FOXK1: variants seen among roughly 807,000 people sequenced by gnomAD.
FOXK1 encodes forkhead box K1, also known as forkhead box protein K1.
A neutral mutation model predicts 51.9 loss-of-function variants in FOXK1; 19 were observed. That is an observed-to-expected ratio of 0.37 (90% CI 0.26 to 0.54). FOXK1 has a LOEUF of 0.54. FOXK1 is among the 20% of genes least tolerant of loss of function. The pLI is 0.87. For missense variants in FOXK1, 870 were observed against 1,032.7 expected (o/e 0.84, Z 2.16); for synonymous variants, 537 against 482.6 (o/e 1.11, Z -1.48).
chr7:4,706,008 ATATACG>A (rs1780093310), intron 1 of FOXK1, among the ~76,000 whole-genome samples: 2 of 108,870 alleles, frequency 1.8e-5, no homozygotes, highest in Admixed American at 8.3e-5. Context: ...ATATACGTAT[ATATACG>A]TATATATACG....
In FOXK1 at chr7:4,761,427, C is replaced by G. The variant is rs1241805585; in HGVS notation, c.1921+139C>G. On this transcript the variant is annotated intron_variant, in intron 8 of 8. Transcript: ENST00000328914. This position sits in a 1 kb window ranked among gnomAD's most constrained non-coding sequence, Gnocchi z 6.2. The stretch of plus-strand genomic sequence containing the variant: ...TATTGAGCACCTGCTATACTCCAGG[C>G]ACTGGGGTAATGCAAAGAAAAAGAG... The G allele has an allele frequency of 1.1e-6, 1 of 913,512 alleles. No individual in the cohort carries two copies. The highest frequency in any genetic ancestry group is 1.7e-6 in the Non-Finnish European group (1 of 604,506). 56.6% of individuals were successfully genotyped at this position (913,512 alleles called of 1,614,324 possible).
intron 1 of FOXK1, among the ~76,000 whole-genome samples, chr7:4,705,553 C>T (rs1013671272): frequency 7.2e-6 from 1 of 138,420 alleles, no homozygotes; most frequent in Non-Finnish European, 1.6e-5. Flanking sequence ...CTCTCTCTCT[C>T]TCTCTCGCTC....
At chr7:4,684,265 G>A (rs1173322119) in intron 1 of FOXK1, among the ~76,000 whole-genome samples, 1 of 152,172 alleles carries the variant, frequency 6.6e-6, no homozygotes, top group African/African-American at 2.4e-5. Context: ...TCTTGTTCAG[G>A]GTTGTCTGTC....
At position 4,703,306 on chromosome 7, in the gene FOXK1, A is replaced by G. The variant is rs1011264776; in HGVS notation, c.560+20438A>G. Among the ~76,000 whole-genome samples, 3 of 151,908 alleles carry G rather than the reference A, an allele frequency of 2.0e-5. No individual in the cohort carries two copies. The highest frequency in any genetic ancestry group is 7.3e-5 in the African/African-American group (3 of 41,364). ...TGGGGTGAGGGGAGGGAGGGGGAGGACCCGAGGGGGCAGAGCATTTAGGAC... is the reference window on the plus strand; with the variant it reads ...TGGGGTGAGGGGAGGGAGGGGGAGGGCCCGAGGGGGCAGAGCATTTAGGAC... On this transcript the variant is annotated intron_variant, in intron 1 of 8. Transcript: ENST00000328914. This position sits in a 1 kb window ranked among gnomAD's most constrained non-coding sequence, Gnocchi z 5.6.
At chr7:4,713,335 C>T (rs1301229044) in intron 1 of FOXK1, among the ~76,000 whole-genome samples, 1 of 144,794 alleles carries the variant, frequency 6.9e-6, no homozygotes, top group East Asian at 1.9e-4. Context: ...ACTGAGATTC[C>T]CGCTCACTGG....
At chr7:4,719,440 A>G (rs1780280959) in intron 1 of FOXK1, among the ~76,000 whole-genome samples, 1 of 150,234 alleles carries the variant, frequency 6.7e-6, no homozygotes, top group Non-Finnish European at 1.5e-5. Context: ...GTGCCTAGGG[A>G]GTAGGTAGCT....
At chr7:4,706,505 A>G (rs1346560601) in intron 1 of FOXK1, among the ~76,000 whole-genome samples, 5 of 152,090 alleles carry the variant, frequency 3.3e-5, no homozygotes, top group Non-Finnish European at 5.9e-5. Flanking sequence ...CCCATCGGAG[A>G]CAGTCCCAAG....
intron 1 of FOXK1, among the ~76,000 whole-genome samples, chr7:4,692,150 A>G (rs1779901175): frequency 6.6e-6 from 1 of 152,062 alleles, no homozygotes. Flanking sequence ...ATATACCCCC[A>G]CCCCAAGAAA....
intron 1 of FOXK1, among the ~76,000 whole-genome samples, chr7:4,725,663 T>G (rs1167764890): frequency 6.6e-6 from 1 of 152,232 alleles, no homozygotes; most frequent in Non-Finnish European, 1.5e-5. Flanking sequence ...TGCTTGGCAG[T>G]GGACACACCA....
At chr7:4,732,328 CCATTCATT>C (rs546632870) in intron 1 of FOXK1, among the ~76,000 whole-genome samples, 3 of 152,138 alleles carry the variant, frequency 2.0e-5, no homozygotes, top group Admixed American at 6.5e-5. Flanking sequence ...CGACAGTTCT[CCATTCATT>C]CATTCATTCA....
chr7:4,740,918 C>G lies in FOXK1; in HGVS notation c.641C>G (p.Pro214Arg), dbSNP rs777674366. 11 of 1,586,886 alleles carry G rather than the reference C, an allele frequency of 6.9e-6. No homozygotes were observed. Among genetic ancestry groups the G allele is most frequent in the Non-Finnish European group, 8.6e-6 (10 of 1,168,430 alleles). The change falls in exon 2 of 9, where the codon CCG becomes CGG. Residue 214 changes from proline to arginine, a missense_variant. Physicochemically the swap from Pro to Arg is moderately radical, Grantham distance 103 (BLOSUM62 -2). Transcript: ENST00000328914. ...CACAAAGAAGAGGCCCCAGCCTCCC[C>G]GCTGCGGCCACTGTACCCCCAGATC... ...LYHKEEAPAS[P>R]LRPLYPQISP...
chr7:4,688,455 C>T (rs1424628202), intron 1 of FOXK1, among the ~76,000 whole-genome samples: 2 of 151,656 alleles, frequency 1.3e-5, no homozygotes, highest in African/African-American at 2.4e-5. Context: ...GGCTGGAGTG[C>T]AGTGGCACTA....
chr7:4,694,926 G>A (rs1779934198), intron 1 of FOXK1, among the ~76,000 whole-genome samples: 1 of 152,252 alleles, frequency 6.6e-6, no homozygotes, highest in South Asian at 2.1e-4. Context: ...GTTTACTGAT[G>A]AAATTAGGGA....
chr7:4,689,401 G>A (rs1440734934), intron 1 of FOXK1, among the ~76,000 whole-genome samples: 1 of 152,150 alleles, frequency 6.6e-6, no homozygotes, highest in African/African-American at 2.4e-5. Context: ...CTCTGCATAT[G>A]TGCCAGCAGA....
In FOXK1 at chr7:4,682,623, G is replaced by T. The variant is rs1382093280; in HGVS notation, c.315G>T (p.Ala105=). ...AASVRQSPGP[A]LARLEGREFE... is the part of the protein sequence containing the mutation. ...CGGTACGGCAGAGCCCGGGGCCGGC[G>T]CTGGCGCGGCTGGAGGGCCGCGAGT... Residue 105 remains alanine (A), a synonymous_variant, in exon 1 of 9, where the codon GCG becomes GCT. Transcript: ENST00000328914. The surrounding 1 kb of genome is among the most constrained non-coding windows in gnomAD (Gnocchi z 7.6). 4.6e-6 allele frequency: 7 copies of T among 1,525,616 alleles called. No individual in the cohort carries two copies. Among genetic ancestry groups the T allele is most frequent in the African/African-American group, 1.4e-5 (1 of 70,466 alleles). The allele number at this position is 1,525,616 out of a possible 1,614,324, so 94.5% of individuals were successfully genotyped here.
Position 4,734,086 on chromosome 7 carries a change from G to A in FOXK1, c.561-6752G>A, listed in dbSNP as rs578235206. On this transcript the variant is annotated intron_variant, in intron 1 of 8. Transcript: ENST00000328914. This position sits in a 1 kb window ranked among gnomAD's most constrained non-coding sequence, Gnocchi z 5.2. ...GTCCTCAACCCCTAACCACTGAAGCGATGCCTGTGTTTTAACCTTAGTAAC... is the reference window on the plus strand; with the variant it reads ...GTCCTCAACCCCTAACCACTGAAGCAATGCCTGTGTTTTAACCTTAGTAAC... Among the ~76,000 whole-genome samples the A allele has an allele frequency of 2.0e-5, 3 of 152,244 alleles. No individual in the cohort carries two copies. Among genetic ancestry groups the A allele is most frequent in the South Asian group, 2.1e-4 (1 of 4,820 alleles).
In FOXK1 at chr7:4,765,427, C is replaced by T. The variant is rs1780997705; in HGVS notation, c.*2963C>T. 1 of 152,398 alleles carries T rather than the reference C, an allele frequency of 6.6e-6. No homozygotes were observed. The allele number at this position is 152,398 out of a possible 1,614,324, so 9.4% of individuals were successfully genotyped here. On this transcript the variant is annotated 3_prime_UTR_variant, in exon 9 of 9. Transcript: ENST00000328914. ...GACCGGGAGAGCCTCAGCCCCCAGC[C>T]TGGGCGGCCTGTGACCCTGAGCCGT...
chr7:4,769,565 A>C lies in FOXK1; in HGVS notation c.*7101A>C, dbSNP rs1781068483. On this transcript the variant is annotated 3_prime_UTR_variant, in exon 9 of 9. Transcript: ENST00000328914. This position sits in a 1 kb window ranked among gnomAD's most constrained non-coding sequence, Gnocchi z 4.1. The stretch of plus-strand genomic sequence containing the variant: ...GCGAATTCTCCTGCCTCAACCTCCC[A>C]AGTAGCTGGGATTACAGGCACCTGC... 1 of 151,728 alleles carries C rather than the reference A, an allele frequency of 6.6e-6. No individual in the cohort carries two copies. The highest frequency in any genetic ancestry group is 2.4e-5 in the African/African-American group (1 of 41,200). The allele number at this position is 151,728 out of a possible 1,614,324, so 9.4% of individuals were successfully genotyped here. A position where few individuals can be genotyped will look rare whatever the true frequency, so the allele number is the denominator to read the frequency against.
rs922626301 is a variant in FOXK1, at chr7:4,722,188, C to G, written c.561-18650C>G. 6.6e-6 allele frequency among the ~76,000 whole-genome samples: 1 copy of G among 152,212 alleles called. No individual in the cohort carries two copies. The highest frequency in any genetic ancestry group is 2.4e-5 in the African/African-American group (1 of 41,462). On this transcript the variant is annotated intron_variant, in intron 1 of 8. Transcript: ENST00000328914. The surrounding 1 kb of genome is among the most constrained non-coding windows in gnomAD (Gnocchi z 5.1). ...GGGGCAGGAGGTGTCTGTGTCTCAG[C>G]AGATGCTGGATTTCACGTCCACGGC...
Sources: gnomAD v4.1 joint callset for allele counts (sites outside exome capture counted in the v4.1 genomes callset) on GRCh38, gnomAD v4.1.1 for gene constraint, Gnocchi (gnomAD v3.1) non-coding constraint, MANE v1.5 for transcripts, NCBI Gene and HGNC (gene_info 2026-07-23, HGNC 2026-07-21) for gene names.